The following KSR2 variants were observed in gnomAD, a reference collection of about 807,000 sequenced individuals.
KSR2 encodes the protein kinase suppressor of ras 2.
KSR2 carries 25 observed loss-of-function variants against 107.8 expected under a neutral mutation model. The ratio of observed to expected loss-of-function variants is 0.23; its 90% CI spans 0.17 to 0.32. The LOEUF (loss-of-function observed/expected upper bound fraction) is 0.32. Among genes scored for constraint, KSR2 ranks in the 10% least tolerant of loss-of-function variants. The pLI, the probability that KSR2 is intolerant of heterozygous loss-of-function variation, is 1.00. For missense variants in KSR2, 887 were observed against 1,268.9 expected, an observed-to-expected ratio of 0.70 and a Z score of 4.57; for synonymous variants, 480 against 507.0, an observed-to-expected ratio of 0.95 and a Z score of 0.71.
At chr12:117,782,176 T>C (rs1030256370) in intron 3 of KSR2, among the ~76,000 whole-genome samples, 1 of 152,210 alleles carries the variant, frequency 6.6e-6, no homozygotes, top group Non-Finnish European at 1.5e-5. Flanking sequence ...TTCTGGCCAA[T>C]AGTATCTGGA....
At chr12:117,927,157 C>A (rs1186524342) in intron 1 of KSR2, among the ~76,000 whole-genome samples, 1 of 142,288 alleles carries the variant, frequency 7.0e-6, no homozygotes, top group Non-Finnish European at 1.5e-5. Context: ...GGGTGGATCC[C>A]TTGAGGTCAG....
At chr12:117,505,270 A>T (rs972678797) in intron 14 of KSR2, among the ~76,000 whole-genome samples, 1 of 152,176 alleles carries the variant, frequency 6.6e-6, no homozygotes, top group Non-Finnish European at 1.5e-5. Flanking sequence ...CTATCACATC[A>T]TGTTGAGCAC....
Position 117,563,522 on chromosome 12 carries a change from G to A in KSR2, c.1326-4949C>T, listed in dbSNP as rs76700142. 3.2e-3 allele frequency among the ~76,000 whole-genome samples: 490 copies of A among 152,284 alleles called. 4 individuals are homozygous for A. Among genetic ancestry groups the A allele is most frequent in the African/African-American group, 0.011 (455 of 41,550 alleles). ...TAGCCTCTTGCCTCTCTGGGTTGCAGTGAGGACTAATGATATAATGCAAGT... is the reference window on the plus strand; with the variant it reads ...TAGCCTCTTGCCTCTCTGGGTTGCAATGAGGACTAATGATATAATGCAAGT... On this transcript the variant is annotated intron_variant, in intron 7 of 19. Transcript: ENST00000339824.
At chr12:117,481,808 G>T (rs1300086849) in intron 16 of KSR2, among the ~76,000 whole-genome samples, 1 of 152,142 alleles carries the variant, frequency 6.6e-6, no homozygotes, top group African/African-American at 2.4e-5. Context: ...CCAGGTTGCT[G>T]ATCAGGGCCA....
At chr12:117,526,918 G>T (rs530139582) in intron 13 of KSR2, among the ~76,000 whole-genome samples, 153 bp downstream of exon 13, 1 of 152,280 alleles carries the variant, frequency 6.6e-6, no homozygotes, top group East Asian at 1.9e-4. Flanking sequence ...ACCACTGCTT[G>T]CTAATTGTCC....
At chr12:117,943,939 T>C (rs1278490394) in intron 1 of KSR2, among the ~76,000 whole-genome samples, 1 of 152,196 alleles carries the variant, frequency 6.6e-6, no homozygotes, top group African/African-American at 2.4e-5. Flanking sequence ...CCTGCTGTCA[T>C]GTTAAGACGT....
chr12:117,491,493 T>C (rs1376716946), intron 14 of KSR2, among the ~76,000 whole-genome samples: 1 of 152,202 alleles, frequency 6.6e-6, no homozygotes, highest in East Asian at 1.9e-4. Flanking sequence ...ATTTGTCTTT[T>C]TATGCCTGCC....
At chr12:117,541,275 C>A (rs4766857) in intron 9 of KSR2, among the ~76,000 whole-genome samples, 86,947 of 129,426 alleles carry the variant, frequency 0.67, 28,703 homozygotes, top group African/African-American at 0.74. Flanking sequence ...GATGTGGAGG[C>A]ATGGGAGGCA....
intron 4 of KSR2, among the ~76,000 whole-genome samples, chr12:117,716,188 C>A (rs1886971374): frequency 6.6e-6 from 1 of 152,228 alleles, no homozygotes; most frequent in Non-Finnish European, 1.5e-5. Flanking sequence ...TCCATGAAGG[C>A]AGAAATCAAA....
At chr12:117,595,421 G>A (rs1000689174) in intron 5 of KSR2, among the ~76,000 whole-genome samples, 3 of 128,036 alleles carry the variant, frequency 2.3e-5, no homozygotes, top group African/African-American at 1.0e-4. Context: ...GCGGACTGCA[G>A]TGGCGCAATC....
chr12:117,610,030 T>C (rs563183260), intron 5 of KSR2, among the ~76,000 whole-genome samples: 1 of 152,324 alleles, frequency 6.6e-6, no homozygotes, highest in African/African-American at 2.4e-5. Flanking sequence ...GACGCATGCA[T>C]GACTCGCCCA....
At chr12:117,887,168 T>C (rs1323113447) in intron 1 of KSR2, among the ~76,000 whole-genome samples, 2 of 152,002 alleles carry the variant, frequency 1.3e-5, no homozygotes, top group African/African-American at 4.8e-5. Context: ...AAGTGATCCT[T>C]CTACTTCAGC....
At chr12:117,883,558 CAAAG>C (rs2137328938) in intron 1 of KSR2, among the ~76,000 whole-genome samples, 1 of 152,164 alleles carries the variant, frequency 6.6e-6, no homozygotes, top group African/African-American at 2.4e-5. Flanking sequence ...CCGGACCAAC[CAAAG>C]AAAGTCTCCC....
At chr12:117,574,975 T>A (rs895705755) in intron 7 of KSR2, among the ~76,000 whole-genome samples, 1 of 151,058 alleles carries the variant, frequency 6.6e-6, no homozygotes, top group Non-Finnish European at 1.5e-5. Flanking sequence ...GGACAGGAAA[T>A]GACCCAGATC....
At chr12:117,645,731 G>C (rs571452936) in intron 5 of KSR2, among the ~76,000 whole-genome samples, 1 of 152,288 alleles carries the variant, frequency 6.6e-6, no homozygotes, top group South Asian at 2.1e-4. Flanking sequence ...TCTCATGAGG[G>C]CTAAGCATGA....
At chr12:117,749,089 C>A (rs573423457) in intron 4 of KSR2, among the ~76,000 whole-genome samples, 2 of 145,160 alleles carry the variant, frequency 1.4e-5, no homozygotes, top group East Asian at 4.1e-4. Flanking sequence ...TTCCAGCCGG[C>A]CCTGCACTCA....
intron 4 of KSR2, among the ~76,000 whole-genome samples, chr12:117,694,851 T>TAC (rs1565965224): frequency 5.5e-4 from 60 of 109,096 alleles, no homozygotes; most frequent in African/African-American, 2.7e-3. Context: ...GATTCTTTTT[T>TAC]TTTTTTTTTT....
chr12:117,839,590 G>C (rs569947259), intron 3 of KSR2, among the ~76,000 whole-genome samples: 1 of 152,244 alleles, frequency 6.6e-6, no homozygotes, highest in South Asian at 2.1e-4. Flanking sequence ...TTGCTATCTA[G>C]GAATTTCCAG....
intron 14 of KSR2, among the ~76,000 whole-genome samples, chr12:117,517,212 G>A (rs969691497): frequency 5.9e-5 from 9 of 152,140 alleles, no homozygotes; most frequent in African/African-American, 1.2e-4. Flanking sequence ...CTTATATTGC[G>A]TTAAACCACG....
Sources: gnomAD v4.1 joint callset for allele counts (sites outside exome capture counted in the v4.1 genomes callset) on GRCh38, gnomAD v4.1.1 for gene constraint, MANE v1.5 for transcripts, NCBI Gene and HGNC (gene_info 2026-07-23, HGNC 2026-07-21) for gene names.